MTMR10: variants seen among roughly 807,000 people sequenced by gnomAD.
MTMR10 encodes the protein myotubularin related protein 10, also known as myotubularin-related protein 10.
Under a neutral mutation model 88.1 loss-of-function variants are expected in MTMR10, and 56 were observed. That is an observed-to-expected ratio of 0.64 (90% CI 0.51 to 0.79). MTMR10 has a LOEUF of 0.79. Among genes scored for constraint, MTMR10 ranks in the 30% least tolerant of loss-of-function variants. MTMR10 has a pLI of 0.00. For missense variants in MTMR10, 883 were observed against 924.7 expected, an observed-to-expected ratio of 0.95 and a Z score of 0.58; for synonymous variants, 380 against 340.9, an observed-to-expected ratio of 1.11 and a Z score of -1.26.
chr15:30,960,803 C>A (rs2063391251), intron 7 of MTMR10, 78 bp downstream of exon 7: 1 of 1,365,808 alleles, frequency 7.3e-7, no homozygotes, highest in Non-Finnish European at 9.5e-7. Context: ...TGAAAGTCAT[C>A]AATGACAACA....
chr15:30,928,463 G>T, the MTMR10 span: 1 of 1,555,466 alleles, frequency 6.4e-7, no homozygotes, highest in Non-Finnish European at 8.7e-7. Flanking sequence ...TGAGTGTGCA[G>T]TAGGTTATGG....
intron 1 of MTMR10, 158 bp downstream of exon 1, chr15:30,991,289 G>A (rs2031306274): frequency 4.4e-6 from 3 of 677,654 alleles, no homozygotes; most frequent in African/African-American, 3.8e-5. Flanking sequence ...GGGCTCCCGA[G>A]AAGGCGCATT....
chr15:30,925,261 C>A, the MTMR10 span: 1 of 1,614,120 alleles, frequency 6.2e-7, no homozygotes, highest in Middle Eastern at 1.6e-4. Context: ...TCCAGCAGCT[C>A]CCAGAAATGG....
chr15:30,990,551 A>G (rs1342784785), intron 2 of MTMR10, among the ~76,000 whole-genome samples: 1 of 152,246 alleles, frequency 6.6e-6, no homozygotes, highest in Non-Finnish European at 1.5e-5. Context: ...TTACTACCCA[A>G]GCAATTAAAC....
the MTMR10 span, among the ~76,000 whole-genome samples, chr15:30,929,581 ATAT>A: frequency 2.3e-5 from 3 of 131,186 alleles, no homozygotes; most frequent in African/African-American, 8.7e-5. Flanking sequence ...TATATTTATT[ATAT>A]TATATATTAT....
the MTMR10 span, among the ~76,000 whole-genome samples, chr15:30,932,783 G>A: frequency 6.9e-6 from 1 of 145,694 alleles, no homozygotes; most frequent in Admixed American, 7.0e-5. Context: ...GCGTGAGTTA[G>A]CTCACTGCAA....
chr15:30,952,161 A>G (rs1052793898), intron 11 of MTMR10, 123 bp from the exon 12 acceptor site: 25 of 831,274 alleles, frequency 3.0e-5, no homozygotes, highest in African/African-American at 1.9e-4. Flanking sequence ...TGATATTCCC[A>G]TAACTCATGA....
At chr15:30,959,953 C>T (rs532462335) in intron 7 of MTMR10, among the ~76,000 whole-genome samples, 1 of 152,138 alleles carries the variant, frequency 6.6e-6, no homozygotes, top group East Asian at 1.9e-4. Flanking sequence ...TCTAGAAGAT[C>T]CCCTAGGGAA....
At chr15:30,933,753 C>CTTT in the MTMR10 span, among the ~76,000 whole-genome samples, 8 of 136,164 alleles carry the variant, frequency 5.9e-5, no homozygotes, top group African/African-American at 8.9e-5. Context: ...TATTTCTTTT[C>CTTT]TTTTTTTTTT....
chr15:30,931,129 C>T, the MTMR10 span, among the ~76,000 whole-genome samples: 1 of 152,190 alleles, frequency 6.6e-6, no homozygotes, highest in Admixed American at 6.5e-5. Context: ...CCTTGATGTG[C>T]TTAGTTCACA....
At chr15:30,922,343 C>G in the MTMR10 span, 2 of 1,610,280 alleles carry the variant, frequency 1.2e-6, no homozygotes, top group Admixed American at 1.7e-5. Context: ...GCACTTGAAG[C>G]GCCTGGAACC....
At chr15:30,955,885 T>C (rs2063320352) in intron 9 of MTMR10, among the ~76,000 whole-genome samples, 1 of 152,056 alleles carries the variant, frequency 6.6e-6, no homozygotes, top group Non-Finnish European at 1.5e-5. Flanking sequence ...ACTATAAATA[T>C]GTGCCATGGG....
intron 2 of MTMR10, among the ~76,000 whole-genome samples, chr15:30,987,764 C>A (rs1477615655): frequency 6.6e-6 from 1 of 151,676 alleles, no homozygotes; most frequent in Non-Finnish European, 1.5e-5. Context: ...ACGTGCCATG[C>A]TGGTTTGCTG....
At chr15:30,927,641 T>C in the MTMR10 span, 1 of 985,436 alleles carries the variant, frequency 1.0e-6, no homozygotes, top group African/African-American at 1.7e-5. Flanking sequence ...AGAGGAGCTT[T>C]GCTGCCAGTA....
chr15:30,984,006 T>C (rs918398374), intron 2 of MTMR10, among the ~76,000 whole-genome samples: 1 of 152,000 alleles, frequency 6.6e-6, no homozygotes, highest in Non-Finnish European at 1.5e-5. Context: ...AGCATTGAGA[T>C]AGTAGAGAAT....
At chr15:30,942,139 CA>C in intron 15 of MTMR10, 67 bp from the exon 16 acceptor site, 5 of 1,493,284 alleles carry the variant, frequency 3.3e-6, no homozygotes, top group Non-Finnish European at 4.5e-6. Flanking sequence ...GATGCAATGG[CA>C]AATATAAACT....
intron 2 of MTMR10, among the ~76,000 whole-genome samples, chr15:30,987,755 C>T (rs923106073): frequency 2.0e-5 from 3 of 151,352 alleles, no homozygotes; most frequent in Admixed American, 1.3e-4. Context: ...TAGGTATATA[C>T]GTGCCATGCT....
chr15:30,920,481 GTTA>G, the MTMR10 span: 3 of 1,022,170 alleles, frequency 2.9e-6, no homozygotes, highest in East Asian at 2.4e-5. Flanking sequence ...TTTGTCACTT[GTTA>G]TTATTGTCTT....
intron 6 of MTMR10, 25 bp downstream of exon 6, chr15:30,967,895 C>T: frequency 6.7e-7 from 1 of 1,502,524 alleles, no homozygotes; most frequent in Non-Finnish European, 9.0e-7. Flanking sequence ...AAATTAGTCA[C>T]AATATTTAAT....
Sources: allele counts gnomAD v4.1 joint callset (sites outside exome capture counted in the v4.1 genomes callset), GRCh38; gene constraint gnomAD v4.1.1; transcripts MANE v1.5; gene names NCBI Gene and HGNC (gene_info 2026-07-23, HGNC 2026-07-21).